The following GPAT4 variants were observed in gnomAD, a reference collection of about 807,000 sequenced individuals.
The protein encoded by GPAT4 is glycerol-3-phosphate acyltransferase 4.
GPAT4 carries 17 observed loss-of-function variants against 58.0 expected under a neutral mutation model. The ratio of observed to expected loss-of-function variants is 0.29; its 90% CI spans 0.20 to 0.44. GPAT4 has a LOEUF of 0.44. GPAT4 is among the 20% of genes least tolerant of loss of function. The pLI, the probability that GPAT4 is intolerant of heterozygous loss-of-function variation, is 1.00. For missense variants in GPAT4, 377 were observed against 574.5 expected (o/e 0.66, Z 3.51); for synonymous variants, 204 against 210.1 (o/e 0.97, Z 0.25).
At chr8:41,612,993 C>T in intron 8 of GPAT4, 33 bp downstream of exon 8, 1 of 1,588,890 alleles carries the variant, frequency 6.3e-7, no homozygotes, top group Non-Finnish European at 8.6e-7. Context: ...TCTGCTTGGC[C>T]AGTTAGAATG....
At chr8:41,615,453 G>T (rs1018920263) in intron 10 of GPAT4, among the ~76,000 whole-genome samples, 5 of 135,970 alleles carry the variant, frequency 3.7e-5, no homozygotes, top group Non-Finnish European at 6.1e-5. Context: ...ATGAGGATTG[G>T]GGGGGGGGTC....
chr8:41,610,070 G>A lies in GPAT4; in HGVS notation c.536+115G>A, dbSNP rs577359157. On this transcript the variant is annotated intron_variant, in intron 4 of 12. Transcript: ENST00000396987. Reference sequence around the variant, plus strand: ...TAGAAAGGAGGAGGGAATGACTGTCGTTAGCCAGGCCACGTGACTCTTTGG... The same window carrying A: ...TAGAAAGGAGGAGGGAATGACTGTCATTAGCCAGGCCACGTGACTCTTTGG... 2,598 of 1,499,890 alleles carry A rather than the reference G, an allele frequency of 1.7e-3. 4 individuals are homozygous for A. Among genetic ancestry groups the A allele is most frequent in the East Asian group, 3.4e-3 (147 of 43,740 alleles). 92.9% of individuals were successfully genotyped at this position (1,499,890 alleles called of 1,614,324 possible).
Position 41,618,855 on chromosome 8 carries a change from C to T in GPAT4, c.1182+43C>T, listed in dbSNP as rs189391778. The stretch of plus-strand genomic sequence containing the variant: ...GCAGGTCTGCGCCTGCTCTGTGTAA[C>T]GTCAAGCCGGGGCTGAGTGGTCTCA... On this transcript the variant is annotated intron_variant, in intron 11 of 12. Coordinates refer to ENST00000396987, the MANE Select transcript of GPAT4 (RefSeq NM_178819.4). The T allele has an allele frequency of 6.2e-5, 100 of 1,614,234 alleles. No individual in the cohort carries two copies. The East Asian group carries it at 1.6e-3, about 26-fold the overall frequency.
intron 1 of GPAT4, among the ~76,000 whole-genome samples, chr8:41,587,524 T>C (rs577002639): frequency 2.0e-5 from 3 of 152,320 alleles, no homozygotes; most frequent in African/African-American, 7.2e-5. Flanking sequence ...TGCTTTAAAA[T>C]ACAGGGTTTA....
At chr8:41,591,281 C>T (rs910400682) in intron 1 of GPAT4, among the ~76,000 whole-genome samples, 2 of 152,054 alleles carry the variant, frequency 1.3e-5, no homozygotes, top group Admixed American at 6.5e-5. Context: ...ACTACCAGGC[C>T]CAGGGTGTGG....
chr8:41,587,773 A>G (rs1223587661), intron 1 of GPAT4, among the ~76,000 whole-genome samples: 1 of 152,238 alleles, frequency 6.6e-6, no homozygotes, highest in Non-Finnish European at 1.5e-5. Context: ...TATCCTTAGG[A>G]TACATTTCTA....
In GPAT4 at chr8:41,624,818, G is replaced by A. The variant is rs1803867312; in HGVS notation, c.*3817G>A. 6.6e-6 allele frequency: 1 copy of A among 152,152 alleles called. No homozygotes were observed. The highest frequency in any genetic ancestry group is 1.5e-5 in the Non-Finnish European group (1 of 68,030). 9.4% of individuals were successfully genotyped at this position (152,152 alleles called of 1,614,324 possible). On this transcript the variant is annotated 3_prime_UTR_variant, in exon 13 of 13. Coordinates refer to ENST00000396987, the MANE Select transcript of GPAT4 (RefSeq NM_178819.4). ...GCGCCAGGGGTGGCACCTGGCGTGT[G>A]TTGCGGGGGTGATTGCGCTGGCTGC...
intron 2 of GPAT4, among the ~76,000 whole-genome samples, chr8:41,604,785 AGTG>A (rs1483242189): frequency 3.9e-5 from 6 of 152,176 alleles, no homozygotes; most frequent in African/African-American, 1.2e-4. Flanking sequence ...TGAAGAGACT[AGTG>A]GTGGTGGCAT....
chr8:41,581,896 GT>G (rs1268911384), intron 1 of GPAT4, among the ~76,000 whole-genome samples: 1 of 148,342 alleles, frequency 6.7e-6, no homozygotes, highest in Non-Finnish European at 1.5e-5. Flanking sequence ...GCCTCCCAAA[GT>G]GCTGGGATTA....
chr8:41,604,967 C>A (rs978393965), intron 2 of GPAT4, among the ~76,000 whole-genome samples: 1 of 152,096 alleles, frequency 6.6e-6, no homozygotes, highest in Non-Finnish European at 1.5e-5. Context: ...CATCCTACCC[C>A]CGATGAGGAG....
chr8:41,613,052 T>C, intron 8 of GPAT4, 92 bp downstream of exon 8: 2 of 1,048,454 alleles, frequency 1.9e-6, no homozygotes, highest in Non-Finnish European at 1.4e-6. Context: ...GTTACGTGCC[T>C]TCTATCATAA....
intron 1 of GPAT4, among the ~76,000 whole-genome samples, chr8:41,579,437 T>C (rs774515106): frequency 2.6e-5 from 4 of 152,224 alleles, no homozygotes; most frequent in Non-Finnish European, 5.9e-5. Flanking sequence ...CATAAGGTGC[T>C]TTTTGTTTTG....
Position 41,623,027 on chromosome 8 carries a change from TAC to T in GPAT4, c.*2038_*2039del, listed in dbSNP as rs35280514. On this transcript the variant is annotated 3_prime_UTR_variant, in exon 13 of 13. Coordinates refer to ENST00000396987, the MANE Select transcript of GPAT4 (RefSeq NM_178819.4). The stretch of plus-strand genomic sequence containing the variant: ...CGTGATTTGCATAGGTATTTATATA[TAC>T]ACACACACACAGGTTTTGCTTTTGT... The T allele has an allele frequency of 0.47, 70,841 of 151,884 alleles. 16,893 individuals carry two copies. Among genetic ancestry groups the T allele is most frequent in the African/African-American group, 0.55 (22,903 of 41,400 alleles). 9.4% of individuals were successfully genotyped at this position (151,884 alleles called of 1,614,324 possible).
chr8:41,582,444 T>TACACACACACACACACACAC (rs71548104), intron 1 of GPAT4, among the ~76,000 whole-genome samples: 1 of 141,614 alleles, frequency 7.1e-6, no homozygotes. Flanking sequence ...TGGGAAAGTA[T>TACACACACACACACACACAC]ACACACACAC....
intron 1 of GPAT4, among the ~76,000 whole-genome samples, chr8:41,592,154 G>A (rs1802806835): frequency 6.6e-6 from 1 of 152,130 alleles, no homozygotes; most frequent in South Asian, 2.1e-4. Context: ...GGAAGCCCAG[G>A]AGTTTACCTG....
At position 41,618,952 on chromosome 8, in the gene GPAT4, C is replaced by T; in HGVS notation, c.1237C>T (p.Gln413Ter). 3 of 1,614,234 alleles carry T rather than the reference C, an allele frequency of 1.9e-6. No individual in the cohort carries two copies. Among genetic ancestry groups the T allele is most frequent in the Non-Finnish European group, 2.5e-6 (3 of 1,180,034 alleles). ...TAGGGTGAAATCTGCCATTGCCAGG[C>T]AGGGAGGACTTGTGGACCTGCTGTG... is the stretch of plus-strand genomic sequence containing the variant. ...ANRVKSAIAR[Q>*]GGLVDLLWDG... The change falls in exon 12 of 13, where the codon CAG becomes TAG. Residue 413 changes from glutamine (Q) to a stop codon, truncating the protein, a stop_gained. Transcript: ENST00000396987. LOFTEE classifies it high-confidence loss of function.
At chr8:41,610,355 TAC>T (rs777254307) in intron 4 of GPAT4, 1 of 1,219,040 alleles carries the variant, frequency 8.2e-7, no homozygotes, top group Non-Finnish European at 1.0e-6. Context: ...CAGATGCTAA[TAC>T]CTTCAAGCTC....
At chr8:41,602,089 G>A (rs1200885244) in intron 2 of GPAT4, among the ~76,000 whole-genome samples, 1 of 152,170 alleles carries the variant, frequency 6.6e-6, no homozygotes, top group Non-Finnish European at 1.5e-5. Flanking sequence ...CAAGTAGCTG[G>A]GATGACAGGC....
chr8:41,619,920 G>A (rs1803700265), intron 12 of GPAT4, among the ~76,000 whole-genome samples: 1 of 152,122 alleles, frequency 6.6e-6, no homozygotes, highest in Non-Finnish European at 1.5e-5. Flanking sequence ...CGTCTCTTTC[G>A]CCCTCACAGT....
Sources: allele counts gnomAD v4.1 joint callset (sites outside exome capture counted in the v4.1 genomes callset), GRCh38; gene constraint gnomAD v4.1.1; transcripts MANE v1.5; gene names NCBI Gene and HGNC (gene_info 2026-07-23, HGNC 2026-07-21).